The following DOCK4 variants were observed in gnomAD, a reference collection of about 807,000 sequenced individuals.
DOCK4 encodes dedicator of cytokinesis 4, also known as dedicator of cytokinesis protein 4.
DOCK4 carries 97 observed loss-of-function variants against 268.1 expected under a neutral mutation model. The ratio of observed to expected loss-of-function variants is 0.36; its 90% CI spans 0.31 to 0.43. The LOEUF (loss-of-function observed/expected upper bound fraction) is 0.43. Among genes scored for constraint, DOCK4 ranks in the 20% least tolerant of loss-of-function variants. The pLI is 1.00. For synonymous variants in DOCK4, 954 were observed against 887.2 expected (o/e 1.08, Z -1.34); for missense variants, 2,145 against 2,455.7 (o/e 0.87, Z 2.67).
At chr7:111,994,934 T>C (rs898501537) in intron 4 of DOCK4, among the ~76,000 whole-genome samples, 1 of 152,114 alleles carries the variant, frequency 6.6e-6, no homozygotes, top group Non-Finnish European at 1.5e-5. Context: ...TCAGAAACTA[T>C]CCTTGGAAAA....
chr7:111,920,320 G>T (rs1004659736), intron 12 of DOCK4, among the ~76,000 whole-genome samples: 4 of 152,146 alleles, frequency 2.6e-5, no homozygotes, highest in African/African-American at 9.7e-5. Context: ...AAATATGAGG[G>T]TCATATGCTA....
At chr7:111,825,324 A>C (rs1451082153) in intron 26 of DOCK4, among the ~76,000 whole-genome samples, 4 of 152,176 alleles carry the variant, frequency 2.6e-5, no homozygotes, top group Admixed American at 2.6e-4. Flanking sequence ...GTTTATTCCA[A>C]ACTCAGTTCC....
chr7:111,887,911 T>G (rs1274249414), intron 16 of DOCK4, among the ~76,000 whole-genome samples: 1 of 151,826 alleles, frequency 6.6e-6, no homozygotes, highest in Non-Finnish European at 1.5e-5. Flanking sequence ...GTGGAAGAAC[T>G]AGTCTTGAAG....
rs545549008 is a variant in DOCK4 at position 111,976,989 on chromosome 7, T to C, written c.701+143A>G. The C allele has an allele frequency of 5.3e-5, 50 of 937,800 alleles. No homozygotes were observed. In the African/African-American group the frequency reaches 8.0e-4, roughly 15 times the overall value. 58.1% of individuals were successfully genotyped at this position (937,800 alleles called of 1,614,324 possible). On this transcript the variant is annotated intron_variant, in intron 8 of 52. Transcript: ENST00000428084. ...AGAAACATCCAAAGAACAGGCAGCT[T>C]AGAAACTCAGAGTTCTACTGGTGAG... is the stretch of plus-strand genomic sequence containing the variant.
intron 10 of DOCK4, among the ~76,000 whole-genome samples, chr7:111,940,784 T>C (rs1483806062): frequency 6.6e-6 from 1 of 152,242 alleles, no homozygotes; most frequent in Admixed American, 6.5e-5. Context: ...AAGTTTTAAC[T>C]TGTTTAAATT....
intron 51 of DOCK4, among the ~76,000 whole-genome samples, chr7:111,734,792 T>A (rs1335123494): frequency 6.6e-6 from 1 of 152,132 alleles, no homozygotes; most frequent in East Asian, 1.9e-4. Flanking sequence ...TTAGGGTGCC[T>A]CCCCGAATTT....
chr7:111,756,984 G>C (rs1053019391), intron 41 of DOCK4, among the ~76,000 whole-genome samples: 1 of 152,094 alleles, frequency 6.6e-6, no homozygotes, highest in East Asian at 1.9e-4. Context: ...GTTCTCAGAG[G>C]GGGTGACGCG....
rs550358827 is a variant in DOCK4, at chr7:111,980,528, T to C, written c.550-3245A>G. Among the ~76,000 whole-genome samples, 12 of 152,282 alleles carry C rather than the reference T, an allele frequency of 7.9e-5. No homozygotes were observed. The South Asian group carries it at 1.7e-3, about 21-fold the overall frequency. On this transcript the variant is annotated intron_variant, in intron 7 of 52. Coordinates refer to ENST00000428084, the MANE Select transcript of DOCK4 (RefSeq NM_001363540.2). ...CTGACTCAAATTTTTAATCTTCAAA[T>C]AATGCATTAATTATTGAATGAACTG...
chr7:111,848,842 C>T (rs1019299057), intron 23 of DOCK4, among the ~76,000 whole-genome samples: 1 of 152,192 alleles, frequency 6.6e-6, no homozygotes, highest in Non-Finnish European at 1.5e-5. Flanking sequence ...CCCTACAACC[C>T]TCCCCTTCCA....
chr7:111,730,401 C>T (rs532897130), intron 52 of DOCK4, among the ~76,000 whole-genome samples: 5 of 152,160 alleles, frequency 3.3e-5, no homozygotes, highest in Admixed American at 6.5e-5. Context: ...CTATGGTATA[C>T]ACTTTGAGAA....
At chr7:111,767,932 C>T (rs1797865690) in intron 37 of DOCK4, among the ~76,000 whole-genome samples, 1 of 151,900 alleles carries the variant, frequency 6.6e-6, no homozygotes, top group African/African-American at 2.4e-5. Context: ...CTGCAAAGGG[C>T]CAGAAAGTCA....
chr7:111,738,531 C>T (rs751866299), intron 49 of DOCK4, among the ~76,000 whole-genome samples: 1 of 152,168 alleles, frequency 6.6e-6, no homozygotes, highest in Non-Finnish European at 1.5e-5. Context: ...CTTTATTCAC[C>T]CAACTACTTT....
chr7:112,170,736 T>C (rs1300317728), intron 1 of DOCK4, among the ~76,000 whole-genome samples: 2 of 152,194 alleles, frequency 1.3e-5, no homozygotes, highest in Non-Finnish European at 2.9e-5. Context: ...GACATAGTAC[T>C]TAAGTAATCT....
intron 1 of DOCK4, among the ~76,000 whole-genome samples, chr7:112,148,433 A>G (rs1003556910): frequency 1.1e-4 from 16 of 152,172 alleles, no homozygotes; most frequent in Non-Finnish European, 8.8e-5. Context: ...ATTACAATGA[A>G]AAACAATTAA....
At chr7:111,993,986 G>GT (rs1288350623) in intron 5 of DOCK4, 149 bp downstream of exon 5, 1 of 469,802 alleles carries the variant, frequency 2.1e-6, no homozygotes, top group Non-Finnish European at 3.8e-6. Flanking sequence ...CACAGAGATT[G>GT]TAACAAGACT....
At chr7:111,941,669 C>T (rs1381500430) in intron 10 of DOCK4, among the ~76,000 whole-genome samples, 2 of 151,542 alleles carry the variant, frequency 1.3e-5, no homozygotes, top group African/African-American at 4.8e-5. Context: ...AAACTGCAAA[C>T]AAGATTATTC....
At chr7:112,122,925 C>G (rs7786375) in intron 1 of DOCK4, among the ~76,000 whole-genome samples, 7,451 of 152,106 alleles carry the variant, frequency 0.049, 620 homozygotes, top group African/African-American at 0.17. Context: ...GAGGTGTAGA[C>G]GCCAAGGGAA....
intron 1 of DOCK4, among the ~76,000 whole-genome samples, chr7:112,006,441 A>G (rs920776012): frequency 2.0e-5 from 3 of 152,194 alleles, no homozygotes; most frequent in African/African-American, 7.2e-5. Flanking sequence ...CTTTCATAGG[A>G]GTTGTTTAAA....
chr7:112,029,964 C>T (rs1004370970), intron 1 of DOCK4, among the ~76,000 whole-genome samples: 3 of 152,148 alleles, frequency 2.0e-5, no homozygotes, highest in Non-Finnish European at 4.4e-5. Context: ...CTTTCTGATT[C>T]AAAATGACTT....
Sources: allele counts gnomAD v4.1 joint callset (sites outside exome capture counted in the v4.1 genomes callset), GRCh38; gene constraint gnomAD v4.1.1; transcripts MANE v1.5; gene names NCBI Gene and HGNC (gene_info 2026-07-23, HGNC 2026-07-21).